Variants in SIGLEC5 observed in about 807,000 individuals in gnomAD.
SIGLEC5 encodes sialic acid binding Ig like lectin 5, also known as sialic acid-binding Ig-like lectin 5.
A neutral mutation model predicts 45.9 loss-of-function variants in SIGLEC5; 34 were observed. That is an observed-to-expected ratio of 0.74 (90% CI 0.56 to 0.99). SIGLEC5 has a LOEUF of 0.99. SIGLEC5 is among the 50% of genes least tolerant of loss of function. SIGLEC5 has a pLI of 0.00. For missense variants in SIGLEC5, 508 were observed against 629.6 expected, an observed-to-expected ratio of 0.81 and a Z score of 2.07; for synonymous variants, 203 against 258.6, an observed-to-expected ratio of 0.79 and a Z score of 2.06.
chr19:51,615,017 G>T (rs1983002606), intron 8 of SIGLEC5, among the ~76,000 whole-genome samples: 1 of 152,208 alleles, frequency 6.6e-6, no homozygotes, highest in Non-Finnish European at 1.5e-5. Context: ...GCTTGCAAGT[G>T]GGTGAATCTA....
chr19:51,627,660 A>C lies in SIGLEC5; in HGVS notation c.1084T>G (p.Ser362Ala), dbSNP rs768664168. 3 of 1,611,576 alleles carry C rather than the reference A, an allele frequency of 1.9e-6. No homozygotes were observed. In the Admixed American group the frequency reaches 5.0e-5, roughly 27 times the overall value. ...RCSFRARPAPSLCWRLEEKPL... is the reference protein window; with the variant it reads ...RCSFRARPAPALCWRLEEKPL... The stretch of plus-strand genomic sequence containing the variant: ...TTCTCCTCAAGCCGCCAGCACAGGG[A>C]GGGGGCCGGCCGGGCTCGAAAGGAG... The change falls in exon 6 of 9, where the codon TCC becomes GCC. Residue 362 changes from serine to alanine, a missense_variant. Ser to Ala is a moderately conservative substitution (Grantham distance 99). This residue lies in a region of SIGLEC5 where 431 missense variants were observed against 428.8 expected (regional missense o/e 1.01). Transcript: ENST00000683636.
rs1295527464 is a variant in SIGLEC5, at chr19:51,627,751, G to GGGGAGGGAGGACAGAACTC, written c.998-24_998-6dup. The GGGGAGGGAGGACAGAACTC allele has an allele frequency of 6.3e-7, 1 of 1,577,738 alleles. No individual in the cohort carries two copies. The highest frequency in any genetic ancestry group is 1.3e-5 in the African/African-American group (1 of 74,210). On this transcript the variant is annotated splice_region_variant and splice_polypyrimidine_tract_variant and intron_variant, in intron 5 of 8. Transcript: ENST00000683636. The stretch of plus-strand genomic sequence containing the variant: ...GGCCCAGCAACTGTGGGAGGGCTGT[G>GGGGAGGGAGGACAGAACTC]GGGAGGGAGGACAGAACTCAGCAGG...
At chr19:51,628,201 C>CTATG in intron 4 of SIGLEC5, 110 bp from the exon 5 acceptor site, 1 of 1,261,236 alleles carries the variant, frequency 7.9e-7, no homozygotes. Flanking sequence ...CTCCCCTGGC[C>CTATG]TATGCTGGCT....
rs200820951 is a variant in SIGLEC5, at chr19:51,629,835, G to A, written c.419C>T (p.Thr140Ile). ...YQQNKLNLEV[T>I]ALIEKPDIHF... is the part of the protein sequence containing the mutation. ...CTCTCCTGGGGTCCCTGCCATACCT[G>A]TCACCTCCAAGTTCAGCTTATTCTG... is the stretch of plus-strand genomic sequence containing the variant. The change falls in exon 2 of 9, where the codon ACA becomes ATA. Residue 140 changes from threonine to isoleucine, a missense_variant and splice_region_variant. Physicochemically the swap from Thr to Ile is moderately conservative, Grantham distance 89 (BLOSUM62 -1). Coordinates refer to ENST00000683636, the MANE Select transcript of SIGLEC5 (RefSeq NM_003830.4). 2.2e-4 allele frequency: 297 copies of A among 1,350,244 alleles called. 63 individuals carry two copies. Among genetic ancestry groups the A allele is most frequent in the Non-Finnish European group, 3.0e-4 (285 of 956,966 alleles). 83.6% of individuals were successfully genotyped at this position (1,350,244 alleles called of 1,614,324 possible).
At chr19:51,620,058 A>AATAT (rs146205373) in intron 8 of SIGLEC5, among the ~76,000 whole-genome samples, 36,273 of 148,916 alleles carry the variant, frequency 0.24, 4,886 homozygotes, top group Admixed American at 0.31. Flanking sequence ...CTTTTGTCAA[A>AATAT]ATATATATAT....
intron 8 of SIGLEC5, among the ~76,000 whole-genome samples, 158 bp from the exon 9 acceptor site, chr19:51,612,580 A>G (rs12462938): frequency 0.21 from 32,161 of 152,184 alleles, 4,513 homozygotes; most frequent in Admixed American, 0.3. Flanking sequence ...CACAATTTCC[A>G]ATTCTCTACC....
intron 8 of SIGLEC5, among the ~76,000 whole-genome samples, chr19:51,614,992 A>T (rs747014349): frequency 6.6e-5 from 10 of 152,354 alleles, no homozygotes; most frequent in African/African-American, 2.2e-4. Flanking sequence ...TCATTAGCTT[A>T]TCCAAGGTCA....
At chr19:51,627,097 C>T in intron 7 of SIGLEC5, 52 bp downstream of exon 7, 1 of 1,406,964 alleles carries the variant, frequency 7.1e-7, no homozygotes, top group South Asian at 1.2e-5. Flanking sequence ...GATTCAGTCT[C>T]TCCTACTCCC....
At chr19:51,615,203 G>A (rs1983009828) in intron 8 of SIGLEC5, among the ~76,000 whole-genome samples, 1 of 152,162 alleles carries the variant, frequency 6.6e-6, no homozygotes, top group East Asian at 1.9e-4. Flanking sequence ...TGTTCTCCAA[G>A]ACCTACCAAT....
chr19:51,625,703 G>A (rs914193031), intron 8 of SIGLEC5, among the ~76,000 whole-genome samples: 8 of 152,120 alleles, frequency 5.3e-5, no homozygotes, highest in Admixed American at 1.3e-4. Context: ...GGTGGTGTGC[G>A]CCTGTAATCC....
At chr19:51,615,356 C>G (rs988262420) in intron 8 of SIGLEC5, among the ~76,000 whole-genome samples, 1 of 152,178 alleles carries the variant, frequency 6.6e-6, no homozygotes, top group African/African-American at 2.4e-5. Flanking sequence ...GGACAGCTGG[C>G]TTGTTGAGAG....
intron 8 of SIGLEC5, among the ~76,000 whole-genome samples, chr19:51,620,680 C>T (rs1192845024): frequency 6.6e-6 from 1 of 152,176 alleles, no homozygotes; most frequent in Non-Finnish European, 1.5e-5. Flanking sequence ...TGCCCATGGT[C>T]ACTATGTCTA....
At chr19:51,622,257 G>A (rs999479420) in intron 8 of SIGLEC5, among the ~76,000 whole-genome samples, 29 of 150,778 alleles carry the variant, frequency 1.9e-4, no homozygotes, top group Non-Finnish European at 3.5e-4. Flanking sequence ...TCAGCCTCCC[G>A]AGTAGCTGGG....
chr19:51,621,210 T>C (rs1983269212), intron 8 of SIGLEC5: 1 of 152,138 alleles, frequency 6.6e-6, no homozygotes, highest in South Asian at 2.1e-4. Flanking sequence ...GATGCACAGT[T>C]ATAGTGAATC....
At chr19:51,621,543 A>G (rs1281354781) in intron 8 of SIGLEC5, 1 of 152,246 alleles carries the variant, frequency 6.6e-6, no homozygotes, top group East Asian at 1.9e-4. Flanking sequence ...CTGAAGCCCA[A>G]AAGGATGAGT....
At position 51,629,342 on chromosome 19, in the gene SIGLEC5, C is replaced by T; in HGVS notation, c.700+16G>A. 2 of 1,613,800 alleles carry T rather than the reference C, an allele frequency of 1.2e-6. No homozygotes were observed. The highest frequency in any genetic ancestry group is 1.7e-6 in the Non-Finnish European group (2 of 1,179,984). On this transcript the variant is annotated intron_variant, in intron 3 of 8. Coordinates refer to ENST00000683636, the MANE Select transcript of SIGLEC5 (RefSeq NM_003830.4). ...ACTGCCCTTGAGGACTCAGCTGTGT[C>T]CCCAGCACCACTCACAGGAGACATT...
Position 51,627,263 on chromosome 19 carries a change from G to T in SIGLEC5, c.1283-15C>A, listed in dbSNP as rs370441125. Reference sequence around the variant, plus strand: ...GTTCGATCTCCCTGCAGAAAAGAGGGGCGTGCAATAACTCACTCCCAGGAC... The same window carrying T: ...GTTCGATCTCCCTGCAGAAAAGAGGTGCGTGCAATAACTCACTCCCAGGAC... On this transcript the variant is annotated splice_polypyrimidine_tract_variant and intron_variant, in intron 6 of 8. Coordinates refer to ENST00000683636, the MANE Select transcript of SIGLEC5 (RefSeq NM_003830.4). The T allele has an allele frequency of 1.6e-5, 25 of 1,610,536 alleles. No individual in the cohort carries two copies. The highest frequency in any genetic ancestry group is 2.0e-5 in the Non-Finnish European group (23 of 1,177,082).
chr19:51,627,126 C>G (rs758494025), intron 7 of SIGLEC5, 23 bp downstream of exon 7: 2 of 1,590,840 alleles, frequency 1.3e-6, no homozygotes, highest in African/African-American at 2.7e-5. Flanking sequence ...CCACCCTGTA[C>G]CTTCCCTGGG....
rs1293971290 is a variant in SIGLEC5 at position 51,627,047 on chromosome 19, G to A, written c.1382+102C>T. On this transcript the variant is annotated intron_variant, in intron 7 of 8. Transcript: ENST00000683636. ...GACTCCTGAGCATCTGGAACCACAA[G>A]CACACATCACCACCTCTGGCCTTAG... 3 of 838,014 alleles carry A rather than the reference G, an allele frequency of 3.6e-6. No homozygotes were observed. In the East Asian group the frequency reaches 7.9e-5, roughly 22 times the overall value. 51.9% of individuals were successfully genotyped at this position (838,014 alleles called of 1,614,324 possible).
Sources: allele counts gnomAD v4.1 joint callset (sites outside exome capture counted in the v4.1 genomes callset), GRCh38; gene constraint gnomAD v4.1.1; regional missense constraint gnomAD v4.1.1; transcripts MANE v1.5; gene names NCBI Gene and HGNC (gene_info 2026-07-23, HGNC 2026-07-21).